The following TANGO6 variants were observed in gnomAD, a reference collection of about 807,000 sequenced individuals.
The protein encoded by TANGO6 is transport and golgi organization 6 homolog.
In TANGO6, 90 loss-of-function variants were observed where a neutral mutation model predicts 114.2. That is an observed-to-expected ratio of 0.79 (90% CI 0.66 to 0.94). TANGO6 has a LOEUF of 0.94. TANGO6 is among the 40% of genes least tolerant of loss of function. The pLI is 0.00. For synonymous variants in TANGO6, 477 were observed against 509.8 expected (o/e 0.94, Z 0.87); for missense variants, 1,274 against 1,315.3 (o/e 0.97, Z 0.49).
At chr16:68,879,017 A>G (rs1054930174) in intron 6 of TANGO6, among the ~76,000 whole-genome samples, 1 of 152,126 alleles carries the variant, frequency 6.6e-6, no homozygotes, top group African/African-American at 2.4e-5. Context: ...TTGAGGCTGC[A>G]GTGAGCCATA....
At chr16:68,963,241 C>G (rs995800272) in intron 14 of TANGO6, among the ~76,000 whole-genome samples, 2 of 152,038 alleles carry the variant, frequency 1.3e-5, no homozygotes, top group African/African-American at 4.8e-5. Context: ...CCCACCTCAG[C>G]CTCCATAGTA....
chr16:68,952,177 C>T (rs112327208), intron 14 of TANGO6, among the ~76,000 whole-genome samples: 15 of 152,092 alleles, frequency 9.9e-5, no homozygotes, highest in Admixed American at 2.6e-4. Flanking sequence ...TGCAGAACAG[C>T]GATTTAAATT....
At chr16:68,853,962 T>A (rs78831062) in intron 1 of TANGO6, among the ~76,000 whole-genome samples, 1,968 of 152,298 alleles carry the variant, frequency 0.013, 39 homozygotes, top group African/African-American at 0.042. Context: ...TCCATTTTTT[T>A]AAAAAATAGT....
intron 1 of TANGO6, among the ~76,000 whole-genome samples, chr16:68,857,624 G>A (rs1019135140): frequency 1.3e-5 from 2 of 152,102 alleles, no homozygotes; most frequent in African/African-American, 4.8e-5. Flanking sequence ...ATACTATTTT[G>A]CATTCCCACC....
chr16:68,941,956 A>AG (rs544923399), intron 14 of TANGO6, among the ~76,000 whole-genome samples: 2 of 152,162 alleles, frequency 1.3e-5, no homozygotes, highest in Admixed American at 1.3e-4. Flanking sequence ...CCCATCTCTT[A>AG]GGGGGAAAAA....
At chr16:68,939,577 AT>A (rs576027928) in intron 14 of TANGO6, among the ~76,000 whole-genome samples, 6,918 of 137,406 alleles carry the variant, frequency 0.05, 183 homozygotes, top group African/African-American at 0.097. Context: ...ACTAAAAGGA[AT>A]TTTTTTTTTT....
chr16:68,893,774 A>AAAG (rs1491413467), intron 7 of TANGO6, among the ~76,000 whole-genome samples: 6 of 150,370 alleles, frequency 4.0e-5, no homozygotes, highest in African/African-American at 1.5e-4. Flanking sequence ...AAAAAAAAAA[A>AAAG]GGAAAAGAAA....
At chr16:69,056,622 C>G (rs907288248) in intron 17 of TANGO6, among the ~76,000 whole-genome samples, 2 of 151,782 alleles carry the variant, frequency 1.3e-5, no homozygotes, top group African/African-American at 4.8e-5. Flanking sequence ...TACCAAGAAC[C>G]CTTTTTTCAT....
intron 15 of TANGO6, among the ~76,000 whole-genome samples, chr16:69,018,455 T>G (rs116901931): frequency 1.7e-3 from 262 of 150,950 alleles, no homozygotes; most frequent in Admixed American, 0.012. Flanking sequence ...GCCGGAAATC[T>G]CTTAAATGCA....
intron 14 of TANGO6, among the ~76,000 whole-genome samples, chr16:68,952,801 T>C (rs933921868): frequency 6.6e-6 from 1 of 152,116 alleles, no homozygotes; most frequent in African/African-American, 2.4e-5. Context: ...CACAACCCCT[T>C]GAGCTGCCAA....
At chr16:68,959,072 AG>A (rs1963563605) in intron 14 of TANGO6, among the ~76,000 whole-genome samples, 1 of 152,210 alleles carries the variant, frequency 6.6e-6, no homozygotes, top group Non-Finnish European at 1.5e-5. Flanking sequence ...CTGAAATTAT[AG>A]GCAGAGTGTT....
chr16:68,962,970 C>T (rs371037486), intron 14 of TANGO6, among the ~76,000 whole-genome samples: 12 of 147,606 alleles, frequency 8.1e-5, no homozygotes, highest in South Asian at 2.2e-4. Context: ...GGCGGGCGCC[C>T]GTAGTCCCAG....
At chr16:68,881,858 T>A (rs1962466364) in intron 7 of TANGO6, among the ~76,000 whole-genome samples, 1 of 152,148 alleles carries the variant, frequency 6.6e-6, no homozygotes, top group African/African-American at 2.4e-5. Flanking sequence ...CTTTAAAGTT[T>A]ATTTTAGGCC....
chr16:68,847,986 T>G lies in TANGO6; in HGVS notation c.94+4275T>G, dbSNP rs191512194. 6.3e-3 allele frequency among the ~76,000 whole-genome samples: 822 copies of G among 131,294 alleles called. 5 individuals are homozygous for G. The highest frequency in any genetic ancestry group is 0.01 in the Admixed American group (116 of 11,062). 86.1% of individuals were successfully genotyped at this position (131,294 alleles called of 152,430 possible). A position where few individuals can be genotyped will look rare whatever the true frequency, so the allele number is the denominator to read the frequency against. On this transcript the variant is annotated intron_variant, in intron 1 of 17. Coordinates refer to ENST00000261778, the MANE Select transcript of TANGO6 (RefSeq NM_024562.2). ...CTGCACTCCAGCCTGGGTGACAGAG[T>G]GAGACTCCATCACAAAAAAAAAAAA... is the stretch of plus-strand genomic sequence containing the variant.
At chr16:68,965,166 T>TTTG (rs1373025812) in intron 14 of TANGO6, among the ~76,000 whole-genome samples, 1 of 142,550 alleles carries the variant, frequency 7.0e-6, no homozygotes, top group African/African-American at 2.8e-5. Flanking sequence ...TTGTTTGTTT[T>TTTG]TTTTATTTTT....
At chr16:69,064,743 C>T (rs989662062) in intron 17 of TANGO6, among the ~76,000 whole-genome samples, 2 of 152,186 alleles carry the variant, frequency 1.3e-5, no homozygotes, top group Non-Finnish European at 2.9e-5. Flanking sequence ...GCTAATAATA[C>T]CTGCTTCATA....
chr16:69,044,605 G>A (rs1261314777), intron 17 of TANGO6, among the ~76,000 whole-genome samples: 2 of 152,098 alleles, frequency 1.3e-5, no homozygotes, highest in Non-Finnish European at 2.9e-5. Context: ...ATTGAGTGTG[G>A]GGAAGCCACA....
chr16:68,916,657 A>G (rs1963009495), intron 11 of TANGO6, among the ~76,000 whole-genome samples: 1 of 152,168 alleles, frequency 6.6e-6, no homozygotes, highest in African/African-American at 2.4e-5. Context: ...GGAGTGAGTC[A>G]GGGCAGGAAT....
chr16:68,887,028 A>G (rs1457763706), intron 7 of TANGO6, among the ~76,000 whole-genome samples: 6 of 132,060 alleles, frequency 4.5e-5, no homozygotes, highest in East Asian at 2.3e-4. Flanking sequence ...GGCTGGTCTC[A>G]AACTCCTGAC....
Sources: allele counts gnomAD v4.1 joint callset (sites outside exome capture counted in the v4.1 genomes callset), GRCh38; gene constraint gnomAD v4.1.1; transcripts MANE v1.5; gene names NCBI Gene and HGNC (gene_info 2026-07-23, HGNC 2026-07-21).